The following DLG2 variants were observed in gnomAD, a reference collection of about 807,000 sequenced individuals.
DLG2 encodes disks large homolog 2.
A neutral mutation model predicts 132.5 loss-of-function variants in DLG2; 45 were observed. The observed-to-expected ratio is 0.34, with a 90% CI of 0.27 to 0.44. The LOEUF (loss-of-function observed/expected upper bound fraction) is 0.44, where lower values mean the gene tolerates loss of function less well. Among genes scored for constraint, DLG2 ranks in the 20% least tolerant of loss-of-function variants. The pLI, the probability that DLG2 is intolerant of heterozygous loss-of-function variation, is 1.00. For synonymous variants in DLG2, 424 were observed against 419.6 expected (o/e 1.01, Z -0.13); for missense variants, 1,045 against 1,196.9 (o/e 0.87, Z 1.87).
chr11:84,033,171 G>C (rs1366877517), intron 11 of DLG2, among the ~76,000 whole-genome samples: 1 of 152,124 alleles, frequency 6.6e-6, no homozygotes, highest in African/African-American at 2.4e-5. Flanking sequence ...CTTTCAGAAA[G>C]CTATAGCTGC....
intron 21 of DLG2, among the ~76,000 whole-genome samples, chr11:83,526,226 T>C (rs985986067): frequency 1.3e-5 from 2 of 152,210 alleles, no homozygotes; most frequent in South Asian, 4.1e-4. Flanking sequence ...CCAAGGATGA[T>C]AGTCCTCTCT....
intron 4 of DLG2, among the ~76,000 whole-genome samples, chr11:85,228,724 T>G (rs2152635685): frequency 6.6e-6 from 1 of 151,864 alleles, no homozygotes; most frequent in East Asian, 1.9e-4. Flanking sequence ...TTATTTATCT[T>G]TAACTTTTTT....
At chr11:84,809,340 A>C (rs1395633120) in intron 6 of DLG2, among the ~76,000 whole-genome samples, 1 of 151,988 alleles carries the variant, frequency 6.6e-6, no homozygotes, top group Non-Finnish European at 1.5e-5. Flanking sequence ...TTAAGGGTGT[A>C]AGATGAATTA....
At chr11:84,335,143 G>A (rs1475733121) in intron 7 of DLG2, among the ~76,000 whole-genome samples, 1 of 49,192 alleles carries the variant, frequency 2.0e-5, no homozygotes, top group Non-Finnish European at 4.2e-5. Flanking sequence ...AAGCAAGAAA[G>A]CAAGCAATAA....
chr11:85,097,867 A>G (rs530412575), intron 6 of DLG2, among the ~76,000 whole-genome samples: 1 of 152,194 alleles, frequency 6.6e-6, no homozygotes, highest in Non-Finnish European at 1.5e-5. Context: ...CTCTAAAATT[A>G]TGTGAGTTGT....
chr11:84,313,479 A>G (rs1212549626), intron 7 of DLG2, among the ~76,000 whole-genome samples: 1 of 142,584 alleles, frequency 7.0e-6, no homozygotes, highest in African/African-American at 2.5e-5. Flanking sequence ...TCAGTACATG[A>G]TAGTCAAAGA....
intron 6 of DLG2, among the ~76,000 whole-genome samples, chr11:84,541,313 T>C (rs541223602): frequency 3.9e-5 from 6 of 152,060 alleles, no homozygotes; most frequent in Non-Finnish European, 8.8e-5. Flanking sequence ...ATACTACTTA[T>C]GTCTCCCTAT....
intron 6 of DLG2, among the ~76,000 whole-genome samples, chr11:84,695,520 A>G (rs775939240): frequency 6.6e-6 from 1 of 151,614 alleles, no homozygotes; most frequent in Non-Finnish European, 1.5e-5. Context: ...GAAAGAAATA[A>G]AGTTACTAAA....
chr11:84,290,828 G>T (rs1027959613), intron 7 of DLG2, among the ~76,000 whole-genome samples: 2 of 152,030 alleles, frequency 1.3e-5, no homozygotes, highest in Non-Finnish European at 2.9e-5. Flanking sequence ...AAAAAAGCAA[G>T]GTTTTAATGT....
chr11:83,733,727 A>G lies in DLG2; in HGVS notation c.1825+52963T>C, dbSNP rs529169338. On this transcript the variant is annotated intron_variant, in intron 18 of 27. Transcript: ENST00000376104. ...CAATCAACTTCAAATCCCTTCATCT[A>G]AGAAATTTCCAAATGTGCCTTTGCT... Among the ~76,000 whole-genome samples, 5 of 152,262 alleles carry G rather than the reference A, an allele frequency of 3.3e-5. No individual in the cohort carries two copies. The South Asian group carries it at 1.0e-3, about 32-fold the overall frequency.
intron 8 of DLG2, among the ~76,000 whole-genome samples, chr11:84,196,544 G>A (rs915890689): frequency 2.0e-5 from 3 of 152,122 alleles, no homozygotes; most frequent in Admixed American, 6.5e-5. Context: ...TTCCTAGTCA[G>A]TTTTCAGAAA....
At chr11:85,577,730 A>G (rs745869314) in intron 3 of DLG2, among the ~76,000 whole-genome samples, 138 of 152,164 alleles carry the variant, frequency 9.1e-4, no homozygotes, top group Middle Eastern at 3.2e-3. Flanking sequence ...TAAGGAAATC[A>G]GAGATTACAT....
At chr11:85,072,811 C>T (rs963146622) in intron 6 of DLG2, among the ~76,000 whole-genome samples, 4 of 151,766 alleles carry the variant, frequency 2.6e-5, no homozygotes, top group African/African-American at 9.7e-5. Flanking sequence ...CGGTAAATGC[C>T]ATCTACAAAT....
chr11:85,251,349 G>A (rs2076385524), intron 4 of DLG2, among the ~76,000 whole-genome samples: 1 of 152,098 alleles, frequency 6.6e-6, no homozygotes, highest in Admixed American at 6.5e-5. Context: ...TAATAATGTA[G>A]CACATCGTTA....
chr11:84,311,239 C>T lies in DLG2; in HGVS notation c.520-59948G>A, dbSNP rs192066587. 1.5e-3 allele frequency among the ~76,000 whole-genome samples: 221 copies of T among 152,156 alleles called. 1 individual carries two copies. The highest frequency in any genetic ancestry group is 5.3e-3 in the African/African-American group (219 of 41,508). On this transcript the variant is annotated intron_variant, in intron 7 of 27. Coordinates refer to ENST00000376104, the MANE Select transcript of DLG2 (RefSeq NM_001142699.3). ...ATCCATAAATTCTAATGAAAGAGCA[C>T]AATATGAATGATGAATTTCCTGGAC...
chr11:83,703,720 A>T (rs1276016917), intron 18 of DLG2, among the ~76,000 whole-genome samples: 1 of 152,226 alleles, frequency 6.6e-6, no homozygotes. Flanking sequence ...ATTATCTTGA[A>T]AAGCTTTGGT....
At chr11:84,682,449 G>A (rs915036116) in intron 6 of DLG2, among the ~76,000 whole-genome samples, 4 of 152,162 alleles carry the variant, frequency 2.6e-5, no homozygotes, top group African/African-American at 9.6e-5. Context: ...CTCAACACAG[G>A]CTTTGTGTGG....
chr11:84,302,273 C>T (rs2098164291), intron 7 of DLG2, among the ~76,000 whole-genome samples: 1 of 152,086 alleles, frequency 6.6e-6, no homozygotes, highest in Admixed American at 6.6e-5. Context: ...GTGCAGCAAA[C>T]CACCATGGCA....
At chr11:83,993,807 T>C (rs1335931340) in intron 11 of DLG2, among the ~76,000 whole-genome samples, 1 of 152,166 alleles carries the variant, frequency 6.6e-6, no homozygotes, top group Non-Finnish European at 1.5e-5. Context: ...GAATACTGTC[T>C]ACACTGTCTT....
Sources: allele counts gnomAD v4.1 joint callset (sites outside exome capture counted in the v4.1 genomes callset), GRCh38; gene constraint gnomAD v4.1.1; transcripts MANE v1.5; gene names NCBI Gene and HGNC (gene_info 2026-07-23, HGNC 2026-07-21).